The following LINGO2 variants were observed in gnomAD, a reference collection of about 807,000 sequenced individuals.
The protein encoded by LINGO2 is leucine rich repeat and Ig domain containing 2, also known as leucine-rich repeat and immunoglobulin-like domain-containing nogo receptor-interacting protein 2.
Under a neutral mutation model 30.6 loss-of-function variants are expected in LINGO2, and 14 were observed. The ratio of observed to expected loss-of-function variants is 0.46; its 90% confidence interval spans 0.30 to 0.72. The LOEUF (loss-of-function observed/expected upper bound fraction) is 0.72, where lower values mean the gene tolerates loss of function less well. LINGO2 is among the 30% of genes least tolerant of loss of function. The pLI is 0.07. For missense variants in LINGO2, 729 were observed against 751.7 expected (o/e 0.97, Z 0.35); for synonymous variants, 317 against 288.5 (o/e 1.10, Z -1.00).
chr9:28,104,698 C>T (rs1826529769), intron 4 of LINGO2, among the ~76,000 whole-genome samples: 1 of 152,100 alleles, frequency 6.6e-6, no homozygotes, highest in Non-Finnish European at 1.5e-5. Context: ...AAAACTTACA[C>T]ATTTCTTCTC....
At chr9:28,443,432 C>G (rs1016550792) in intron 2 of LINGO2, among the ~76,000 whole-genome samples, 3 of 152,156 alleles carry the variant, frequency 2.0e-5, no homozygotes, top group African/African-American at 7.2e-5. Context: ...GGGGCAGGAG[C>G]CCCATATTCC....
chr9:28,094,228 A>C (rs1826179538), intron 4 of LINGO2, among the ~76,000 whole-genome samples: 1 of 152,292 alleles, frequency 6.6e-6, no homozygotes, highest in Non-Finnish European at 1.5e-5. Context: ...ATAGTAACTT[A>C]ATTAAACTAT....
chr9:28,674,421 AT>A (rs1829142083), upstream of LINGO2, among the ~76,000 whole-genome samples: 1 of 152,176 alleles, frequency 6.6e-6, no homozygotes, highest in Non-Finnish European at 1.5e-5. Context: ...ACAAGGAAAA[AT>A]ATCAACCTAC....
chr9:29,029,863 G>GC, the LINGO2 span, among the ~76,000 whole-genome samples: 2 of 148,472 alleles, frequency 1.3e-5, no homozygotes, highest in Non-Finnish European at 3.0e-5. Flanking sequence ...GAAGCTTTCA[G>GC]TTTTTTTTTT....
rs546112630 is a variant in LINGO2 at position 28,148,940 on chromosome 9, G to C, written c.-86-136535C>G. On this transcript the variant is annotated intron_variant, in intron 4 of 5. Transcript: ENST00000379992. The surrounding 1 kb of genome is among the most constrained non-coding windows in gnomAD (Gnocchi z 5.1). ...TAGGTCTTCTCCACACAGAGCTGCC[G>C]GCCACAGTTCCCACAAAAGAAAACT... 7 of 1,533,980 alleles carry C rather than the reference G, an allele frequency of 4.6e-6. No homozygotes were observed. In the South Asian group the frequency reaches 7.1e-5, roughly 16 times the overall value.
chr9:28,409,849 GA>G (rs1822677878), intron 2 of LINGO2, among the ~76,000 whole-genome samples: 1 of 135,972 alleles, frequency 7.4e-6, no homozygotes, highest in Admixed American at 8.1e-5. Flanking sequence ...GAGGCTAAAG[GA>G]CATGAAAATC....
At chr9:28,178,024 T>C (rs1005203603) in intron 4 of LINGO2, among the ~76,000 whole-genome samples, 2 of 152,216 alleles carry the variant, frequency 1.3e-5, no homozygotes, top group Non-Finnish European at 2.9e-5. Context: ...CAAATAGAGA[T>C]GTGTCTTCCT....
chr9:28,744,351 A>G, the LINGO2 span, among the ~76,000 whole-genome samples: 30 of 151,910 alleles, frequency 2.0e-4, 1 homozygote, highest in South Asian at 6.2e-3. Flanking sequence ...TTCAAATGCC[A>G]TTTCTACTTC....
intron 1 of LINGO2, among the ~76,000 whole-genome samples, chr9:28,632,881 TAGAGAGAGAGAGAG>T (rs36101397): frequency 1.6e-5 from 1 of 61,914 alleles, no homozygotes; most frequent in Non-Finnish European, 3.0e-5. Flanking sequence ...TATATATATG[TAGAGAGAGAGAGAG>T]AGAGAGAGAG....
intron 4 of LINGO2, among the ~76,000 whole-genome samples, chr9:28,146,079 G>C (rs540186218): frequency 9.2e-5 from 14 of 152,284 alleles, no homozygotes; most frequent in Non-Finnish European, 1.9e-4. Flanking sequence ...AATCTCAAGA[G>C]AAAGTATTTT....
chr9:28,101,813 C>T (rs1826424827), intron 4 of LINGO2, among the ~76,000 whole-genome samples: 1 of 152,128 alleles, frequency 6.6e-6, no homozygotes, highest in Admixed American at 6.6e-5. Context: ...CAAAACTGAA[C>T]TAATGATACA....
chr9:27,987,121 A>T (rs192957581), intron 5 of LINGO2, among the ~76,000 whole-genome samples: 1 of 151,870 alleles, frequency 6.6e-6, no homozygotes, highest in Non-Finnish European at 1.5e-5. Context: ...TAAAAAACCA[A>T]CCTTCAAGGG....
chr9:28,027,232 T>C (rs1407988647), intron 4 of LINGO2, among the ~76,000 whole-genome samples: 1 of 152,166 alleles, frequency 6.6e-6, no homozygotes, highest in Non-Finnish European at 1.5e-5. Context: ...TATCGATGTA[T>C]TTATTCTTAC....
intron 2 of LINGO2, among the ~76,000 whole-genome samples, chr9:28,387,822 C>T (rs1462400369): frequency 1.3e-5 from 2 of 152,094 alleles, no homozygotes; most frequent in Admixed American, 1.3e-4. Flanking sequence ...AGCTTCACTC[C>T]TGAAGTCAGC....
chr9:28,520,778 T>C (rs936202227), intron 1 of LINGO2, among the ~76,000 whole-genome samples: 2 of 152,356 alleles, frequency 1.3e-5, no homozygotes, highest in Middle Eastern at 6.8e-3. Flanking sequence ...GTATATACTA[T>C]ATTTTTACAT....
intron 2 of LINGO2, among the ~76,000 whole-genome samples, chr9:28,405,819 A>T (rs138032514): frequency 6.6e-6 from 1 of 151,944 alleles, no homozygotes; most frequent in Non-Finnish European, 1.5e-5. Flanking sequence ...AGCCTTCTCT[A>T]TGGTTTTTAT....
intron 4 of LINGO2, among the ~76,000 whole-genome samples, chr9:28,057,552 AG>A (rs1824984766): frequency 1.1e-5 from 1 of 87,968 alleles, no homozygotes; most frequent in Non-Finnish European, 2.7e-5. Flanking sequence ...TATGTATATA[AG>A]TATATATATA....
the LINGO2 span, among the ~76,000 whole-genome samples, chr9:28,847,419 A>G: frequency 8.2e-5 from 12 of 147,048 alleles, 1 homozygote; most frequent in Admixed American, 8.2e-4. Context: ...GGTTTAATTT[A>G]TGGCACGTCA....
At chr9:28,633,449 A>C (rs974234) in intron 1 of LINGO2, among the ~76,000 whole-genome samples, 38,513 of 152,058 alleles carry the variant, frequency 0.25, 5,300 homozygotes, top group African/African-American at 0.35. Flanking sequence ...AAAAATAATA[A>C]ATTCACACAT....
Sources: allele counts gnomAD v4.1 joint callset (sites outside exome capture counted in the v4.1 genomes callset), GRCh38; gene constraint gnomAD v4.1.1; non-coding constraint Gnocchi (gnomAD v3.1); transcripts MANE v1.5; gene names NCBI Gene and HGNC (gene_info 2026-07-23, HGNC 2026-07-21).